The following TMEM161A variants were observed in gnomAD, a reference collection of about 807,000 sequenced individuals.
TMEM161A encodes transmembrane protein 161A, also known as adaptive response to oxidative stress protein 29.
Under a neutral mutation model 57.1 loss-of-function variants are expected in TMEM161A, and 46 were observed. That is an observed-to-expected ratio of 0.81 (90% CI 0.64 to 1.03). The LOEUF is 1.03. Among genes scored for constraint, TMEM161A ranks in the 50% least tolerant of loss-of-function variants. The pLI is 0.00. For missense variants in TMEM161A, 601 were observed against 621.5 expected, an observed-to-expected ratio of 0.97 and a Z score of 0.35; for synonymous variants, 288 against 279.0, an observed-to-expected ratio of 1.03 and a Z score of -0.32.
chr19:19,133,430 G>T, intron 2 of TMEM161A: 1 of 532,610 alleles, frequency 1.9e-6, no homozygotes, highest in Non-Finnish European at 3.3e-6. Flanking sequence ...GAATCTGCTG[G>T]CTAACTCTCC....
rs2146323644 is a variant in TMEM161A, at chr19:19,119,981, C to T, written c.1389G>A (p.Leu463=). 1.3e-6 allele frequency: 2 copies of T among 1,575,132 alleles called. No homozygotes were observed. Among genetic ancestry groups the T allele is most frequent in the South Asian group, 1.2e-5 (1 of 86,068 alleles). The change falls in exon 12 of 12, where the codon CTG becomes CTA. Residue 463 remains leucine, a synonymous_variant. Transcript: ENST00000162044. ...AGTAGAGGCCGAAAAGGCTGGCGAGCAGCTGGCAGGCAGCCGTCCACCAGA... is the reference window on the plus strand; with the variant it reads ...AGTAGAGGCCGAAAAGGCTGGCGAGTAGCTGGCAGGCAGCCGTCCACCAGA... ...YLIWWTAACQ[L]LASLFGLYFH... is the part of the protein sequence containing the mutation.
At position 19,132,646 on chromosome 19, in the gene TMEM161A, T is replaced by C; in HGVS notation, c.286+11A>G. 1.3e-6 allele frequency: 2 copies of C among 1,564,446 alleles called. No individual in the cohort carries two copies. Among genetic ancestry groups the C allele is most frequent in the Non-Finnish European group, 1.7e-6 (2 of 1,154,450 alleles). On this transcript the variant is annotated intron_variant, in intron 4 of 11. Coordinates refer to ENST00000162044, the MANE Select transcript of TMEM161A (RefSeq NM_017814.3). This position sits in a 1 kb window ranked among gnomAD's most constrained non-coding sequence, Gnocchi z 4.3. ...AGGGAGTAGAGTTTAGGGATGGGAC[T>C]GGGCTATTACCCAGGGCATCCACGG...
At chr19:19,130,624 T>C (rs184866230) in intron 5 of TMEM161A, 25 of 327,146 alleles carry the variant, frequency 7.6e-5, no homozygotes, top group Non-Finnish European at 1.3e-4. Context: ...AAGGGCTTCA[T>C]CTCCAATCTG....
In TMEM161A at chr19:19,120,871, G is replaced by T; in HGVS notation, c.1090-10C>A. ...AGTAGACTCGGACCACCTGTGGGCA[G>T]GTAGCAGGGGTGGCTGCAGCAGGAG... On this transcript the variant is annotated splice_polypyrimidine_tract_variant and intron_variant, in intron 10 of 11. Transcript: ENST00000162044. The T allele has an allele frequency of 6.2e-7, 1 of 1,613,188 alleles. No homozygotes were observed.
chr19:19,128,131 C>T (rs1266035769), intron 6 of TMEM161A, among the ~76,000 whole-genome samples: 2 of 151,476 alleles, frequency 1.3e-5, no homozygotes, highest in East Asian at 1.9e-4. Flanking sequence ...GAAGGAGGAA[C>T]AGGGAGTTAG....
intron 1 of TMEM161A, among the ~76,000 whole-genome samples, chr19:19,136,260 A>G (rs2059983958): frequency 6.6e-6 from 1 of 152,208 alleles, no homozygotes; most frequent in Non-Finnish European, 1.5e-5. Flanking sequence ...ATTTAATAGT[A>G]AAATTAATTA....
chr19:19,134,427 C>A (rs966860935), intron 2 of TMEM161A, among the ~76,000 whole-genome samples: 1 of 151,968 alleles, frequency 6.6e-6, no homozygotes, highest in Non-Finnish European at 1.5e-5. Context: ...CTTAGCAAGA[C>A]CCCATCTCTA....
At chr19:19,125,341 G>T (rs2059925658) in intron 6 of TMEM161A, among the ~76,000 whole-genome samples, 1 of 152,058 alleles carries the variant, frequency 6.6e-6, no homozygotes, top group Non-Finnish European at 1.5e-5. Flanking sequence ...AAATGTAAAA[G>T]TTGAAATATT....
At chr19:19,122,247 C>T (rs977215732) in intron 6 of TMEM161A, among the ~76,000 whole-genome samples, 6 of 152,032 alleles carry the variant, frequency 3.9e-5, no homozygotes, top group Non-Finnish European at 7.4e-5. Flanking sequence ...TGAGCTGAGA[C>T]CGCACCATTG....
chr19:19,127,672 G>A (rs1321659730), intron 6 of TMEM161A, among the ~76,000 whole-genome samples: 2 of 151,898 alleles, frequency 1.3e-5, no homozygotes, highest in African/African-American at 4.8e-5. Flanking sequence ...GCTCACGCCT[G>A]TCATCCCAGC....
rs1362177103 is a variant in TMEM161A, at chr19:19,121,606, G to C, written c.719C>G (p.Ala240Gly). The change falls in exon 8 of 12, where the codon GCC (alanine) becomes GGC (glycine). Residue 240 changes from alanine to glycine, a missense_variant. Physicochemically the swap from Ala to Gly is moderately conservative, Grantham distance 60. Coordinates refer to ENST00000162044, the MANE Select transcript of TMEM161A (RefSeq NM_017814.3). This position sits in a 1 kb window ranked among gnomAD's most constrained non-coding sequence, Gnocchi z 5.8. ...GLAVVGSVLG[A>G]FLTFPGLRLA... ...CCGCAGGCCTGGGAAGGTGAGGAAG[G>C]CACCCAGCACAGAGCCCACCACTGC... 1.2e-6 allele frequency: 2 copies of C among 1,613,938 alleles called. No homozygotes were observed. Among genetic ancestry groups the C allele is most frequent in the South Asian group, 2.2e-5 (2 of 91,086 alleles).
At chr19:19,129,160 C>T (rs951266492) in intron 6 of TMEM161A, among the ~76,000 whole-genome samples, 3 of 152,098 alleles carry the variant, frequency 2.0e-5, no homozygotes, top group Non-Finnish European at 2.9e-5. Context: ...ACCTTACTGC[C>T]GCCCCCTTGG....
At position 19,128,622 on chromosome 19, in the gene TMEM161A, T is replaced by C. The variant is rs531188703; in HGVS notation, c.595+1534A>G. Among the ~76,000 whole-genome samples the C allele has an allele frequency of 3.5e-5, 5 of 142,828 alleles. No individual in the cohort carries two copies. The South Asian group carries it at 1.1e-3, about 33-fold the overall frequency. The allele number at this position is 142,828 out of a possible 152,430, so 93.7% of individuals were successfully genotyped here. A position where few individuals can be genotyped will look rare whatever the true frequency, so the allele number is the denominator to read the frequency against. ...GGCTCGATCTTGGCTCACCACAACC[T>C]CCGCTTCCTGGGTTCAAGCAATTCT... On this transcript the variant is annotated intron_variant, in intron 6 of 11. Coordinates refer to ENST00000162044, the MANE Select transcript of TMEM161A (RefSeq NM_017814.3).
chr19:19,119,860 CAG>C lies in TMEM161A; in HGVS notation c.*68_*69del. The stretch of plus-strand genomic sequence containing the variant: ...GCAGCTGGGGACACGGGGGCGCAAA[CAG>C]AGGGGGCAGGCTAGTGTCCCGCTGC... On this transcript the variant is annotated 3_prime_UTR_variant, in exon 12 of 12. Coordinates refer to ENST00000162044, the MANE Select transcript of TMEM161A (RefSeq NM_017814.3). 4 of 1,508,714 alleles carry C rather than the reference CAG, an allele frequency of 2.7e-6. No individual in the cohort carries two copies. Among genetic ancestry groups the C allele is most frequent in the Non-Finnish European group, 3.6e-6 (4 of 1,122,504 alleles). 93.5% of individuals were successfully genotyped at this position (1,508,714 alleles called of 1,614,324 possible).
At chr19:19,136,604 C>T (rs982898458) in intron 1 of TMEM161A, among the ~76,000 whole-genome samples, 9 of 151,910 alleles carry the variant, frequency 5.9e-5, no homozygotes, top group African/African-American at 1.5e-4. Context: ...TGCAGTGAGC[C>T]GAGATTGTGC....
chr19:19,125,657 C>T (rs1368850948), intron 6 of TMEM161A, among the ~76,000 whole-genome samples: 1 of 151,856 alleles, frequency 6.6e-6, no homozygotes, highest in African/African-American at 2.4e-5. Flanking sequence ...GCTGGGACTA[C>T]AGGCGCCTGC....
chr19:19,126,477 G>A (rs1470108111), intron 6 of TMEM161A, among the ~76,000 whole-genome samples: 4 of 152,212 alleles, frequency 2.6e-5, no homozygotes, highest in Admixed American at 2.6e-4. Context: ...TGTAATCCCA[G>A]CACTTTGGAA....
In TMEM161A at chr19:19,120,880, G is replaced by T. The variant is rs1312045316; in HGVS notation, c.1090-19C>A. ...GGACCACCTGTGGGCAGGTAGCAGG[G>T]GTGGCTGCAGCAGGAGGCCTTCTGG... is the stretch of plus-strand genomic sequence containing the variant. On this transcript the variant is annotated intron_variant, in intron 10 of 11. Coordinates refer to ENST00000162044, the MANE Select transcript of TMEM161A (RefSeq NM_017814.3). 1 of 1,612,892 alleles carries T rather than the reference G, an allele frequency of 6.2e-7. No homozygotes were observed. Among genetic ancestry groups the T allele is most frequent in the Non-Finnish European group, 8.5e-7 (1 of 1,179,746 alleles).
At chr19:19,133,040 C>T (rs118087714) in intron 3 of TMEM161A, 90 bp downstream of exon 3, 31,693 of 1,283,460 alleles carry the variant, frequency 0.025, 499 homozygotes, top group Non-Finnish European at 0.027. Context: ...GTCCTGTGTC[C>T]CTGAGCCCAG....
Sources: gnomAD v4.1 joint callset for allele counts (sites outside exome capture counted in the v4.1 genomes callset) on GRCh38, gnomAD v4.1.1 for gene constraint, Gnocchi (gnomAD v3.1) non-coding constraint, MANE v1.5 for transcripts, NCBI Gene and HGNC (gene_info 2026-07-23, HGNC 2026-07-21) for gene names.